EFNA3: variants seen among roughly 807,000 people sequenced by gnomAD.
EFNA3 encodes ephrin A3, also known as ephrin-A3.
Under a neutral mutation model 25.0 loss-of-function variants are expected in EFNA3, and 15 were observed. The observed-to-expected ratio is 0.60, with a 90% CI of 0.40 to 0.92. The LOEUF is 0.92. Among genes scored for constraint, EFNA3 ranks in the 40% least tolerant of loss-of-function variants. EFNA3 has a pLI of 0.00. For synonymous variants in EFNA3, 153 were observed against 145.6 expected (o/e 1.05, Z -0.37); for missense variants, 298 against 323.8 (o/e 0.92, Z 0.61).
In EFNA3 at chr1:155,078,984, GTGCCGCTGC is replaced by G; in HGVS notation, c.55_63del (p.Pro19_Leu21del). The G allele has an allele frequency of 3.5e-6, 5 of 1,435,044 alleles. No individual in the cohort carries two copies. The highest frequency in any genetic ancestry group is 3.0e-5 in the East Asian group (1 of 32,944). The allele number at this position is 1,435,044 out of a possible 1,614,324, so 88.9% of individuals were successfully genotyped here. On this transcript the variant is annotated inframe_deletion, in exon 1 of 5. Coordinates refer to ENST00000368408, the MANE Select transcript of EFNA3 (RefSeq NM_004952.5). Reference sequence around the variant, plus strand: ...GCTGCTGCTGCTGCTGCTCGTGCCCGTGCCGCTGCTGCCGCTGCTGGCCCAAGGGCCCGG... The same window carrying G: ...GCTGCTGCTGCTGCTGCTCGTGCCCGTGCCGCTGCTGGCCCAAGGGCCCGG...
rs1312013968 is a variant in EFNA3 at position 155,080,110 on chromosome 1, A to G, written c.128+1041A>G. Among the ~76,000 whole-genome samples the G allele has an allele frequency of 6.6e-6, 1 of 151,914 alleles. No homozygotes were observed. On this transcript the variant is annotated intron_variant, in intron 1 of 4. Coordinates refer to ENST00000368408, the MANE Select transcript of EFNA3 (RefSeq NM_004952.5). The surrounding 1 kb of genome is among the most constrained non-coding windows in gnomAD (Gnocchi z 7.0). ...CATCAGTGTGTGTCTGTGTGTTAGT[A>G]GGGGGAGATCCCTGGGGACGCGGGG...
Position 155,081,437 on chromosome 1 carries a change from T to C in EFNA3, c.128+2368T>C, listed in dbSNP as rs374630265. Among the ~76,000 whole-genome samples, 88 of 152,360 alleles carry C rather than the reference T, an allele frequency of 5.8e-4. No homozygotes were observed. The highest frequency in any genetic ancestry group is 5.0e-3 in the South Asian group (24 of 4,830). ...TTCTTTGCAGAACTGAGCAAGGATG[T>C]TGGTATTTGCTCCGTTCTCAAGGAG... On this transcript the variant is annotated intron_variant, in intron 1 of 4. Coordinates refer to ENST00000368408, the MANE Select transcript of EFNA3 (RefSeq NM_004952.5). This position sits in a 1 kb window ranked among gnomAD's most constrained non-coding sequence, Gnocchi z 5.2.
At position 155,085,527 on chromosome 1, in the gene EFNA3, C is replaced by G; in HGVS notation, c.442+123C>G. The G allele has an allele frequency of 8.0e-7, 1 of 1,245,664 alleles. No homozygotes were observed. Among genetic ancestry groups the G allele is most frequent in the Non-Finnish European group, 1.1e-6 (1 of 921,316 alleles). 77.2% of individuals were successfully genotyped at this position (1,245,664 alleles called of 1,614,324 possible). On this transcript the variant is annotated intron_variant, in intron 2 of 4. Transcript: ENST00000368408. This position sits in a 1 kb window ranked among gnomAD's most constrained non-coding sequence, Gnocchi z 4.4. ...GGGCGCCAGGTCTCGCGGCTGAGACCAGGGAGGAGGCGTGGGCACGGGACG... is the reference window on the plus strand; with the variant it reads ...GGGCGCCAGGTCTCGCGGCTGAGACGAGGGAGGAGGCGTGGGCACGGGACG...
At chr1:155,082,804 C>CCTCT (rs1173500187) in intron 1 of EFNA3, among the ~76,000 whole-genome samples, 1 of 152,084 alleles carries the variant, frequency 6.6e-6, no homozygotes, top group Non-Finnish European at 1.5e-5. Context: ...CCCAGCGGCA[C>CCTCT]CTCTCTCTCC....
rs937034237 is a variant in EFNA3, at chr1:155,079,979, C to T, written c.128+910C>T. ...CCGTGTGGTTTCCCGGGGTGTGTGG[C>T]GCGGTGGCCGGGTGCTGGCTGCGGG... On this transcript the variant is annotated intron_variant, in intron 1 of 4. Transcript: ENST00000368408. This position sits in a 1 kb window ranked among gnomAD's most constrained non-coding sequence, Gnocchi z 7.7. 1.3e-5 allele frequency among the ~76,000 whole-genome samples: 2 copies of T among 151,870 alleles called. No homozygotes were observed. The highest frequency in any genetic ancestry group is 2.9e-5 in the Non-Finnish European group (2 of 67,964).
At chr1:155,084,290 T>A (rs1663401908) in intron 1 of EFNA3, among the ~76,000 whole-genome samples, 1 of 152,218 alleles carries the variant, frequency 6.6e-6, no homozygotes, top group Non-Finnish European at 1.5e-5. Context: ...GGAGCCTAAC[T>A]GTCCTTGGCC....
chr1:155,087,020 A>C lies in EFNA3; in HGVS notation c.*477A>C, dbSNP rs1663486444. ...GCTGCTTCCTTCCCCTGTTTACAGCAATAAGCACGTCCTCCTCCCCCACTC... is the reference window on the plus strand; with the variant it reads ...GCTGCTTCCTTCCCCTGTTTACAGCCATAAGCACGTCCTCCTCCCCCACTC... On this transcript the variant is annotated 3_prime_UTR_variant, in exon 5 of 5. Transcript: ENST00000368408. 1 of 154,428 alleles carries C rather than the reference A, an allele frequency of 6.5e-6. No homozygotes were observed. Among genetic ancestry groups the C allele is most frequent in the African/African-American group, 2.4e-5 (1 of 41,432 alleles). The allele number at this position is 154,428 out of a possible 1,614,324, so 9.6% of individuals were successfully genotyped here.
At position 155,086,481 on chromosome 1, in the gene EFNA3, C is replaced by T. The variant is rs201905030; in HGVS notation, c.655C>T (p.Arg219Trp). ...GAGCATCAGCGGGACCAGCCCCAAACGGGAACACCTGCCCCTGGCCGTGGG... is the reference window on the plus strand; with the variant it reads ...GAGCATCAGCGGGACCAGCCCCAAATGGGAACACCTGCCCCTGGCCGTGGG... ...EKSISGTSPK[R>W]EHLPLAVGIA... The change falls in exon 5 of 5, where the codon CGG (arginine) becomes TGG (tryptophan). Residue 219 changes from arginine to tryptophan, a missense_variant. Transcript: ENST00000368408. 208 of 1,614,108 alleles carry T rather than the reference C, an allele frequency of 1.3e-4. No homozygotes were observed. The highest frequency in any genetic ancestry group is 8.3e-4 in the Admixed American group (50 of 60,024).
chr1:155,082,591 G>A (rs1370211098), intron 1 of EFNA3, among the ~76,000 whole-genome samples: 2 of 152,188 alleles, frequency 1.3e-5, no homozygotes, highest in Non-Finnish European at 2.9e-5. Flanking sequence ...AACGGGGTGA[G>A]GGGACACCCC....
At position 155,085,383 on chromosome 1, in the gene EFNA3, G is replaced by C; in HGVS notation, c.421G>C (p.Gly141Arg). ...CTCTCTGGGCTACGAGTTCCACGCC[G>C]GCCACGAGTACTACTACATCTGTGA... The part of the protein sequence containing the change: ...AFSLGYEFHA[G>R]HEYYYISTPT... The change falls in exon 2 of 5, where the codon GGC becomes CGC. Residue 141 changes from glycine (G) to arginine (R), a missense_variant. Physicochemically the swap from Gly to Arg is moderately radical, Grantham distance 125 (BLOSUM62 -2). Transcript: ENST00000368408. This position sits in a 1 kb window ranked among gnomAD's most constrained non-coding sequence, Gnocchi z 4.4. 6.2e-7 allele frequency: 1 copy of C among 1,609,092 alleles called. No homozygotes were observed. The highest frequency in any genetic ancestry group is 8.5e-7 in the Non-Finnish European group (1 of 1,177,342).
At position 155,080,854 on chromosome 1, in the gene EFNA3, C is replaced by A. The variant is rs1350942156; in HGVS notation, c.128+1785C>A. On this transcript the variant is annotated intron_variant, in intron 1 of 4. Transcript: ENST00000368408. The surrounding 1 kb of genome is among the most constrained non-coding windows in gnomAD (Gnocchi z 7.0). ...ACCGGGCCAGGAGGCTGCCGCCGCCCCCGCCTCGCTTCCCGGGCCTTTGTT... is the reference window on the plus strand; with the variant it reads ...ACCGGGCCAGGAGGCTGCCGCCGCCACCGCCTCGCTTCCCGGGCCTTTGTT... Among the ~76,000 whole-genome samples, 1 of 152,220 alleles carries A rather than the reference C, an allele frequency of 6.6e-6. No individual in the cohort carries two copies. The highest frequency in any genetic ancestry group is 1.5e-5 in the Non-Finnish European group (1 of 68,020).
At position 155,085,987 on chromosome 1, in the gene EFNA3, T is replaced by A; in HGVS notation, c.508+45T>A. 1.9e-6 allele frequency: 3 copies of A among 1,585,940 alleles called. No individual in the cohort carries two copies. The highest frequency in any genetic ancestry group is 2.6e-6 in the Non-Finnish European group (3 of 1,166,510). The stretch of plus-strand genomic sequence containing the variant: ...AGCCGCGCCCCCATCCTCAGCTCCC[T>A]GCTTTGGGGCTCCCCTGGCTTCCTG... On this transcript the variant is annotated intron_variant, in intron 3 of 4. Coordinates refer to ENST00000368408, the MANE Select transcript of EFNA3 (RefSeq NM_004952.5). The surrounding 1 kb of genome is among the most constrained non-coding windows in gnomAD (Gnocchi z 4.4).
chr1:155,082,405 G>A (rs1258336091), intron 1 of EFNA3, among the ~76,000 whole-genome samples: 1 of 152,222 alleles, frequency 6.6e-6, no homozygotes, highest in African/African-American at 2.4e-5. Context: ...CTGTTTACCT[G>A]CCCTAATTGC....
chr1:155,084,225 C>T (rs1016355214), intron 1 of EFNA3, among the ~76,000 whole-genome samples: 26 of 152,334 alleles, frequency 1.7e-4, no homozygotes, highest in Admixed American at 1.4e-3. Context: ...GGCATGATGC[C>T]ATGTGGAGTC....
In EFNA3 at chr1:155,081,595, C is replaced by G. The variant is rs553523868; in HGVS notation, c.128+2526C>G. Among the ~76,000 whole-genome samples, 133 of 152,210 alleles carry G rather than the reference C, an allele frequency of 8.7e-4. No individual in the cohort carries two copies. Among genetic ancestry groups the G allele is most frequent in the Non-Finnish European group, 1.4e-3 (97 of 68,036 alleles). Reference sequence around the variant, plus strand: ...CTCTACTACGTCCCTGATGGTCTTTCTCTGTGTTTTCTCCCAGTCTCTGAG... The same window carrying G: ...CTCTACTACGTCCCTGATGGTCTTTGTCTGTGTTTTCTCCCAGTCTCTGAG... On this transcript the variant is annotated intron_variant, in intron 1 of 4. Coordinates refer to ENST00000368408, the MANE Select transcript of EFNA3 (RefSeq NM_004952.5). This position sits in a 1 kb window ranked among gnomAD's most constrained non-coding sequence, Gnocchi z 5.2.
Position 155,078,928 on chromosome 1 carries a change from C to T in EFNA3, c.-14C>T. ...GGGCTCAGTCGGGGGGCGGCGGCGG[C>T]GGCGGCTCCGGGGATGGCGGCGGCT... On this transcript the variant is annotated 5_prime_UTR_variant, in exon 1 of 5. Transcript: ENST00000368408. The T allele has an allele frequency of 7.2e-7, 1 of 1,383,978 alleles. No homozygotes were observed. Among genetic ancestry groups the T allele is most frequent in the Admixed American group, 3.7e-5 (1 of 26,790 alleles). The allele number at this position is 1,383,978 out of a possible 1,614,324, so 85.7% of individuals were successfully genotyped here.
intron 1 of EFNA3, 126 bp from the exon 2 acceptor site, chr1:155,084,965 G>A: frequency 9.1e-7 from 1 of 1,103,406 alleles, no homozygotes; most frequent in African/African-American, 1.6e-5. Context: ...GGGCTGAGCC[G>A]CGAGGAAGCT....
chr1:155,084,049 G>A (rs1217438724), intron 1 of EFNA3, among the ~76,000 whole-genome samples: 1 of 152,230 alleles, frequency 6.6e-6, no homozygotes, highest in Non-Finnish European at 1.5e-5. Flanking sequence ...GGGATTACAA[G>A]GGACCCAGCA....
rs1292114004 is a variant in EFNA3 at position 155,086,538 on chromosome 1, T to G, written c.712T>G (p.Ser238Ala). Residue 238 changes from serine to alanine, a missense_variant, in exon 5 of 5, where the codon TCC (serine) becomes GCC (alanine). Coordinates refer to ENST00000368408, the MANE Select transcript of EFNA3 (RefSeq NM_004952.5). ...IAFFLMTFLAS is the reference protein window; with the variant it reads ...IAFFLMTFLAA ...CTTCTTCCTCATGACGTTCTTGGCCTCCTAGCTCTGCCCCCTCCCCTGGGG... is the reference window on the plus strand; with the variant it reads ...CTTCTTCCTCATGACGTTCTTGGCCGCCTAGCTCTGCCCCCTCCCCTGGGG... 3.1e-6 allele frequency: 5 copies of G among 1,612,520 alleles called. No individual in the cohort carries two copies. Among genetic ancestry groups the G allele is most frequent in the Non-Finnish European group, 3.4e-6 (4 of 1,179,808 alleles).
Sources: allele counts gnomAD v4.1 joint callset (sites outside exome capture counted in the v4.1 genomes callset), GRCh38; gene constraint gnomAD v4.1.1; non-coding constraint Gnocchi (gnomAD v3.1); transcripts MANE v1.5; gene names NCBI Gene and HGNC (gene_info 2026-07-23, HGNC 2026-07-21).